Variants in CABYR observed in about 807,000 individuals in gnomAD.
CABYR encodes the protein calcium-binding tyrosine phosphorylation-regulated protein.
Under a neutral mutation model 36.1 loss-of-function variants are expected in CABYR, and 31 were observed. The observed-to-expected ratio is 0.86, with a 90% confidence interval of 0.64 to 1.16. CABYR has a LOEUF of 1.16. CABYR is among the 50% of genes most tolerant of loss of function. The probability of loss-of-function intolerance (pLI) is 0.00; values close to 1 mark genes in which losing one functional copy is unlikely to be tolerated. For missense variants in CABYR, 429 were observed against 455.8 expected, an observed-to-expected ratio of 0.94 and a Z score of 0.53; for synonymous variants, 146 against 160.7, an observed-to-expected ratio of 0.91 and a Z score of 0.69.
In CABYR at chr18:24,159,701, CCCACCTTT is replaced by C; in HGVS notation, c.772_779del (p.Pro258TyrfsTer43). 10 of 1,614,006 alleles carry C rather than the reference CCCACCTTT, an allele frequency of 6.2e-6. No individual in the cohort carries two copies. Among genetic ancestry groups the C allele is most frequent in the Non-Finnish European group, 8.5e-6 (10 of 1,180,012 alleles). On this transcript the variant is annotated frameshift_variant, in exon 5 of 6. Transcript: ENST00000399496. LOFTEE classifies it high-confidence loss of function. ...TGGGCGACACCAAGAAGACCAGTGC[CCCACCTTT>C]TATCTTAGTAGGCTCAAATGTTCAG...
intron 3 of CABYR, among the ~76,000 whole-genome samples, chr18:24,149,320 CAG>C (rs760864293): frequency 6.6e-6 from 1 of 151,898 alleles, no homozygotes; most frequent in African/African-American, 2.4e-5. Flanking sequence ...TATCTAGATA[CAG>C]AGTGTTGATT....
At chr18:24,157,025 C>T in intron 4 of CABYR, 1 of 1,545,018 alleles carries the variant, frequency 6.5e-7, no homozygotes, top group Non-Finnish European at 8.9e-7. Context: ...ATTTCCATTA[C>T]AAATTGCATT....
At chr18:24,150,787 T>G (rs2085607731) in intron 3 of CABYR, among the ~76,000 whole-genome samples, 2 of 148,450 alleles carry the variant, frequency 1.3e-5, no homozygotes, top group Admixed American at 6.6e-5. Context: ...TTTTTTGTTT[T>G]TTTTTTTTTT....
intron 4 of CABYR, among the ~76,000 whole-genome samples, chr18:24,157,293 CA>C (rs2085816249): frequency 6.6e-6 from 1 of 152,092 alleles, no homozygotes; most frequent in Non-Finnish European, 1.5e-5. Flanking sequence ...TTGTCAGGTA[CA>C]AAATATATTC....
chr18:24,156,005 C>T lies in CABYR; in HGVS notation c.504C>T (p.Val168=). 1 of 1,614,190 alleles carries T rather than the reference C, an allele frequency of 6.2e-7. No individual in the cohort carries two copies. Among genetic ancestry groups the T allele is most frequent in the Non-Finnish European group, 8.5e-7 (1 of 1,180,032 alleles). Residue 168 remains valine, a synonymous_variant, in exon 4 of 6, where the codon GTC becomes GTT. Transcript: ENST00000399496. ...PTAVSPEFAY[V]PADPAQLAAQ... is the part of the protein sequence containing the mutation. ...CTGTCTCACCAGAGTTTGCCTACGT[C>T]CCAGCTGACCCAGCTCAGCTTGCTG...
intron 5 of CABYR, chr18:24,160,296 C>T (rs1281116365): frequency 1.9e-6 from 1 of 515,726 alleles, no homozygotes; most frequent in Admixed American, 3.7e-5. Flanking sequence ...GATTTGATGC[C>T]CGATACATGA....
intron 4 of CABYR, among the ~76,000 whole-genome samples, chr18:24,158,595 G>C (rs1310232430): frequency 6.6e-6 from 1 of 152,216 alleles, no homozygotes; most frequent in Admixed American, 6.5e-5. Flanking sequence ...TGGGATTACA[G>C]GCGTGAGCCA....
At chr18:24,160,741 G>GTATT (rs1204866897) in intron 5 of CABYR, 2 of 152,690 alleles carry the variant, frequency 1.3e-5, no homozygotes, top group African/African-American at 4.8e-5. Flanking sequence ...AACATGTAAA[G>GTATT]TATTATGGAG....
rs769453665 is a variant in CABYR at position 24,159,603 on chromosome 18, C to CT, written c.674dup (p.Tyr226LeufsTer4). The CT allele has an allele frequency of 1.4e-4, 219 of 1,613,970 alleles. No individual in the cohort carries two copies. Among genetic ancestry groups the CT allele is most frequent in the Admixed American group, 2.5e-4 (15 of 59,990 alleles). On this transcript the variant is annotated frameshift_variant, in exon 5 of 6. Transcript: ENST00000399496. LOFTEE classifies it high-confidence loss of function. ...ACCTGGGCCTTTTCCCCAAGCAACCCTCTATTTACCTAATCCTAAGGATCC... is the reference window on the plus strand; with the variant it reads ...ACCTGGGCCTTTTCCCCAAGCAACCCTTCTATTTACCTAATCCTAAGGATCC...
chr18:24,156,784 C>T (rs757630307), intron 4 of CABYR: 2 of 1,614,022 alleles, frequency 1.2e-6, no homozygotes, highest in African/African-American at 1.3e-5. Flanking sequence ...TCAATAGTCT[C>T]TGACAATACT....
chr18:24,154,510 T>C (rs1005202125), intron 3 of CABYR, among the ~76,000 whole-genome samples: 1 of 152,250 alleles, frequency 6.6e-6, no homozygotes, highest in African/African-American at 2.4e-5. Flanking sequence ...TTAGAAATCT[T>C]AATTGAATTT....
chr18:24,148,504 GGGGA>G (rs2085513863), intron 3 of CABYR: 2 of 153,350 alleles, frequency 1.3e-5, no homozygotes, highest in African/African-American at 2.4e-5. Context: ...GTAAAAATGT[GGGGA>G]GGGAGGATGT....
At chr18:24,151,622 A>G (rs927955583) in intron 3 of CABYR, among the ~76,000 whole-genome samples, 3 of 151,842 alleles carry the variant, frequency 2.0e-5, no homozygotes, top group African/African-American at 7.3e-5. Context: ...GTAACTAGTA[A>G]GTATATATTT....
Position 24,159,747 on chromosome 18 carries a change from T to C in CABYR, c.817T>C (p.Trp273Arg). 6.2e-7 allele frequency: 1 copy of C among 1,614,046 alleles called. No individual in the cohort carries two copies. ...VGSNVQEAQG[W>R]KPLPGHAVVS... ...CTCAAATGTTCAGGAAGCACAGGGA[T>C]GGAAACCTCTTCCTGGACATGCTGT... The change falls in exon 5 of 6, where the codon TGG (tryptophan) becomes CGG (arginine). Residue 273 changes from tryptophan (W) to arginine (R), a missense_variant. By Grantham distance (101) the Trp-to-Arg change is moderately radical. Transcript: ENST00000399496.
At chr18:24,146,546 A>T (rs544154683) in intron 3 of CABYR, among the ~76,000 whole-genome samples, 1 of 117,424 alleles carries the variant, frequency 8.5e-6, no homozygotes, top group Non-Finnish European at 2.0e-5. Context: ...AAGACTGTCT[A>T]AAAAAAAAAA....
rs1450752186 is a variant in CABYR, at chr18:24,159,612, C to T, written c.682C>T (p.Pro228Ser). 60 of 1,614,096 alleles carry T rather than the reference C, an allele frequency of 3.7e-5. No individual in the cohort carries two copies. The highest frequency in any genetic ancestry group is 5.0e-5 in the Non-Finnish European group (59 of 1,180,024). ...TTTTCCCCAAGCAACCCTCTATTTA[C>T]CTAATCCTAAGGATCCACAGTTTCA... is the stretch of plus-strand genomic sequence containing the variant. ...GPFPQATLYL[P>S]NPKDPQFQQH... Residue 228 changes from proline (P) to serine (S), a missense_variant, in exon 5 of 6, where the codon CCT becomes TCT. Transcript: ENST00000399496.
chr18:24,152,358 A>G (rs1342732815), intron 3 of CABYR, among the ~76,000 whole-genome samples: 1 of 152,212 alleles, frequency 6.6e-6, no homozygotes, highest in African/African-American at 2.4e-5. Flanking sequence ...TTTGCAAGTG[A>G]GGAGGCCTGA....
intron 3 of CABYR, among the ~76,000 whole-genome samples, 158 bp downstream of exon 3, chr18:24,143,571 A>G (rs1255437435): frequency 6.6e-6 from 1 of 152,044 alleles, no homozygotes; most frequent in African/African-American, 2.4e-5. Flanking sequence ...TTTTAGAGAC[A>G]TGCTCTGTCA....
chr18:24,156,139 A>T, intron 4 of CABYR, 97 bp downstream of exon 4: 1 of 1,614,212 alleles, frequency 6.2e-7, no homozygotes, highest in Non-Finnish European at 8.5e-7. Context: ...CCAAGCTCAG[A>T]GGCTGCTGAA....
Sources: allele counts gnomAD v4.1 joint callset (sites outside exome capture counted in the v4.1 genomes callset), GRCh38; gene constraint gnomAD v4.1.1; transcripts MANE v1.5; gene names NCBI Gene and HGNC (gene_info 2026-07-23, HGNC 2026-07-21).